The following CEP170 variants were observed in gnomAD, a reference collection of about 807,000 sequenced individuals.
CEP170 encodes centrosomal protein of 170 kDa.
In CEP170, 21 loss-of-function variants were observed where a neutral mutation model predicts 151.9. The ratio of observed to expected loss-of-function variants is 0.14; its 90% confidence interval spans 0.10 to 0.20. The LOEUF (loss-of-function observed/expected upper bound fraction) is 0.20. Ranked by LOEUF, CEP170 falls within the 10% of genes least tolerant of loss-of-function variation. The pLI is 1.00. For synonymous variants in CEP170, 356 were observed against 648.8 expected, an observed-to-expected ratio of 0.55 and a Z score of 6.86; for missense variants, 964 against 1,892.9, an observed-to-expected ratio of 0.51 and a Z score of 9.11.
chr1:243,197,780 T>C (rs2060756949), intron 7 of CEP170, among the ~76,000 whole-genome samples: 1 of 152,046 alleles, frequency 6.6e-6, no homozygotes, highest in Non-Finnish European at 1.5e-5. Flanking sequence ...CCAGTAAATT[T>C]CTTCCCTGTT....
rs554696868 is a variant in CEP170 at position 243,136,868 on chromosome 1, A to G, written c.4231-637T>C. Among the ~76,000 whole-genome samples the G allele has an allele frequency of 4.0e-5, 6 of 151,140 alleles. No individual in the cohort carries two copies. In the South Asian group the frequency reaches 1.3e-3, roughly 32 times the overall value. On this transcript the variant is annotated intron_variant, in intron 16 of 19. Coordinates refer to ENST00000366542, the MANE Select transcript of CEP170 (RefSeq NM_014812.3). ...GAATACAGAAATCAAGAAGAGTACA[A>G]TCCTTGTTCTTCAGCAAAGAGTCTA...
intron 10 of CEP170, among the ~76,000 whole-genome samples, chr1:243,184,941 G>A (rs551671678): frequency 6.6e-6 from 1 of 152,272 alleles, no homozygotes; most frequent in African/African-American, 2.4e-5. Flanking sequence ...GTGGATTTGA[G>A]TAACAAGAAT....
At position 243,164,778 on chromosome 1, in the gene CEP170, T is replaced by C; in HGVS notation, c.3182A>G (p.Asp1061Gly). 1.2e-6 allele frequency: 2 copies of C among 1,612,736 alleles called. No homozygotes were observed. The highest frequency in any genetic ancestry group is 1.7e-6 in the Non-Finnish European group (2 of 1,179,070). The change falls in exon 13 of 20, where the codon GAT becomes GGT. Residue 1061 changes from aspartate (D) to glycine (G), a missense_variant. Physicochemically the swap from Asp to Gly is moderately conservative, Grantham distance 94 (BLOSUM62 -1). Coordinates refer to ENST00000366542, the MANE Select transcript of CEP170 (RefSeq NM_014812.3). ...TTCCAGTTTGGAATGTACATGCTCA[T>C]CAGCTGAGGTAAGTGGAGTCCGTCC... is the stretch of plus-strand genomic sequence containing the variant. ...PHGRTPLTSADEHVHSKLEGS... is the reference protein window; with the variant it reads ...PHGRTPLTSAGEHVHSKLEGS...
chr1:243,132,213 T>C (rs1321469402), intron 17 of CEP170, among the ~76,000 whole-genome samples: 1 of 152,206 alleles, frequency 6.6e-6, no homozygotes, highest in Non-Finnish European at 1.5e-5. Context: ...CCCTGGCACT[T>C]TCCACGCAGA....
intron 14 of CEP170, among the ~76,000 whole-genome samples, chr1:243,151,148 T>C (rs182576716): frequency 6.6e-6 from 1 of 152,314 alleles, no homozygotes; most frequent in East Asian, 1.9e-4. Context: ...GGCTTCCTGT[T>C]TCACAGCCGC....
intron 14 of CEP170, among the ~76,000 whole-genome samples, chr1:243,152,362 C>T (rs976880983): frequency 1.1e-4 from 17 of 151,334 alleles, no homozygotes; most frequent in Non-Finnish European, 1.9e-4. Flanking sequence ...GCTGAGACTA[C>T]AGGCGCCCGC....
intron 10 of CEP170, among the ~76,000 whole-genome samples, chr1:243,174,015 T>G (rs1305248398): frequency 6.6e-6 from 1 of 152,246 alleles, no homozygotes; most frequent in African/African-American, 2.4e-5. Context: ...AAACTGTATT[T>G]GCCTAACAAT....
In CEP170 at chr1:243,148,482, A is replaced by T. The variant is rs1433586726; in HGVS notation, c.3912-6019T>A. Among the ~76,000 whole-genome samples the T allele has an allele frequency of 2.0e-5, 3 of 151,880 alleles. No individual in the cohort carries two copies. The East Asian group carries it at 5.8e-4, about 30-fold the overall frequency. Reference sequence around the variant, plus strand: ...CCAGCTACTCAGGACGCTGAGGCACAAGAATTGCTTGAACCTGGGAGGCAG... The same window carrying T: ...CCAGCTACTCAGGACGCTGAGGCACTAGAATTGCTTGAACCTGGGAGGCAG... On this transcript the variant is annotated intron_variant, in intron 14 of 19. Transcript: ENST00000366542.
rs761151661 is a variant in CEP170, at chr1:243,225,246, C to A, written c.35G>T (p.Gly12Val). Residue 12 changes from glycine (G) to valine (V), a missense_variant, in exon 2 of 20, where the codon GGA becomes GTA. Transcript: ENST00000366542. ...TCGTGGCAGCCTGTGGCGAGTGCCT[C>A]CACTGCTCACCAAAAACCAGGATGT... The part of the protein sequence containing the change: ...SLTSWFLVSS[G>V]GTRHRLPREM... The A allele has an allele frequency of 7.5e-6, 12 of 1,595,742 alleles. No homozygotes were observed. The highest frequency in any genetic ancestry group is 1.0e-5 in the Non-Finnish European group (12 of 1,172,058).
chr1:243,208,166 A>G (rs2061543589), intron 4 of CEP170, among the ~76,000 whole-genome samples: 1 of 152,074 alleles, frequency 6.6e-6, no homozygotes, highest in Admixed American at 6.5e-5. Flanking sequence ...TACATCTTCA[A>G]AATATACACA....
At chr1:243,131,745 A>C (rs1321494240) in intron 17 of CEP170, among the ~76,000 whole-genome samples, 2 of 152,148 alleles carry the variant, frequency 1.3e-5, no homozygotes, top group African/African-American at 2.4e-5. Flanking sequence ...ATAGCTTTCA[A>C]AGTGATATTC....
At chr1:243,194,419 T>A (rs1312813145) in intron 7 of CEP170, among the ~76,000 whole-genome samples, 1 of 151,960 alleles carries the variant, frequency 6.6e-6, no homozygotes, top group African/African-American at 2.4e-5. Context: ...TTTTGAGTCA[T>A]AAGAAAAAGT....
chr1:243,139,581 T>C (rs1269641499), intron 16 of CEP170, among the ~76,000 whole-genome samples: 2 of 151,444 alleles, frequency 1.3e-5, no homozygotes, highest in East Asian at 1.9e-4. Flanking sequence ...GCCAAAAGTT[T>C]GTGTTTCTCT....
At chr1:243,252,614 T>C (rs1164045666) in intron 1 of CEP170, among the ~76,000 whole-genome samples, 2 of 152,142 alleles carry the variant, frequency 1.3e-5, no homozygotes, top group Admixed American at 6.5e-5. Context: ...GTTTACAGTA[T>C]AAATTTCACT....
chr1:243,138,296 C>T (rs1045207912), intron 16 of CEP170, among the ~76,000 whole-genome samples: 1 of 150,728 alleles, frequency 6.6e-6, no homozygotes, highest in Non-Finnish European at 1.5e-5. Context: ...AGGCTCTTTT[C>T]CTGATACCAA....
At chr1:243,160,606 CA>C (rs1422625131) in intron 13 of CEP170, among the ~76,000 whole-genome samples, 1 of 152,032 alleles carries the variant, frequency 6.6e-6, no homozygotes, top group African/African-American at 2.4e-5. Flanking sequence ...ATAGATTTTG[CA>C]AACACGCTTC....
intron 17 of CEP170, among the ~76,000 whole-genome samples, chr1:243,132,264 CA>C (rs1401164600): frequency 6.6e-6 from 1 of 152,226 alleles, no homozygotes; most frequent in Non-Finnish European, 1.5e-5. Context: ...TATCACAACT[CA>C]GACCTACCTT....
At position 243,184,113 on chromosome 1, in the gene CEP170, CAG is replaced by C. The variant is rs1190631943; in HGVS notation, c.1566+1664_1566+1665del. Among the ~76,000 whole-genome samples, 3 of 152,102 alleles carry C rather than the reference CAG, an allele frequency of 2.0e-5. No individual in the cohort carries two copies. In the East Asian group the frequency reaches 5.8e-4, roughly 29 times the overall value. On this transcript the variant is annotated intron_variant, in intron 10 of 19. Transcript: ENST00000366542. ...ATTCAAATGTGGAAACTCCTAATAA[CAG>C]TAATGATAAAGCAACACTTATAAAG...
chr1:243,229,506 T>C (rs1428473622), intron 1 of CEP170, among the ~76,000 whole-genome samples: 1 of 152,156 alleles, frequency 6.6e-6, no homozygotes. Flanking sequence ...AACTCTGGCG[T>C]ATGGTAAAAG....
Sources: allele counts gnomAD v4.1 joint callset (sites outside exome capture counted in the v4.1 genomes callset), GRCh38; gene constraint gnomAD v4.1.1; transcripts MANE v1.5; gene names NCBI Gene and HGNC (gene_info 2026-07-23, HGNC 2026-07-21).